Variants in PXDNL observed in about 807,000 individuals in gnomAD.
The protein encoded by PXDNL is peroxidasin like, also known as probable oxidoreductase PXDNL.
PXDNL carries 145 observed loss-of-function variants against 150.8 expected under a neutral mutation model. That is an observed-to-expected ratio of 0.96 (90% CI 0.84 to 1.10). The LOEUF (loss-of-function observed/expected upper bound fraction) is 1.10, where lower values mean the gene tolerates loss of function less well. PXDNL is among the 50% of genes least tolerant of loss of function. The pLI, the probability that PXDNL is intolerant of heterozygous loss-of-function variation, is 0.00. For synonymous variants in PXDNL, 757 were observed against 725.7 expected (o/e 1.04, Z -0.69); for missense variants, 2,087 against 1,873.9 (o/e 1.11, Z -2.10).
chr8:51,491,500 C>A (rs1403108084), intron 5 of PXDNL, among the ~76,000 whole-genome samples: 1 of 152,126 alleles, frequency 6.6e-6, no homozygotes, highest in Non-Finnish European at 1.5e-5. Context: ...GGAAAGAAAC[C>A]AGAAGCTAAA....
chr8:51,550,606 G>C (rs1812458684), intron 4 of PXDNL, among the ~76,000 whole-genome samples: 1 of 152,112 alleles, frequency 6.6e-6, no homozygotes, highest in African/African-American at 2.4e-5. Context: ...AGTAGATGTA[G>C]GAAAAGCATT....
intron 2 of PXDNL, among the ~76,000 whole-genome samples, chr8:51,599,790 C>T (rs940497430): frequency 1.4e-5 from 2 of 141,652 alleles, no homozygotes; most frequent in Admixed American, 7.0e-5. Context: ...TAAATGATAT[C>T]GTTTAGATAA....
chr8:51,564,006 A>G (rs1812764491), intron 3 of PXDNL, among the ~76,000 whole-genome samples: 1 of 152,042 alleles, frequency 6.6e-6, no homozygotes, highest in African/African-American at 2.4e-5. Context: ...CACAAAATCT[A>G]AAAGTCATGA....
chr8:51,686,887 AG>A (rs1243915346), intron 1 of PXDNL, among the ~76,000 whole-genome samples: 2 of 152,186 alleles, frequency 1.3e-5, no homozygotes, highest in Non-Finnish European at 2.9e-5. Context: ...TAAATTAGAA[AG>A]GGTTAATAGT....
chr8:51,607,480 G>A (rs932252868), intron 2 of PXDNL, among the ~76,000 whole-genome samples: 3 of 152,052 alleles, frequency 2.0e-5, no homozygotes, highest in Admixed American at 1.3e-4. Context: ...TAAGTGCTGG[G>A]GCTGCTAACT....
At chr8:51,516,371 C>A (rs757247356) in intron 4 of PXDNL, among the ~76,000 whole-genome samples, 1 of 152,154 alleles carries the variant, frequency 6.6e-6, no homozygotes, top group Non-Finnish European at 1.5e-5. Context: ...GGCTGTAGAG[C>A]AGATAAACTG....
intron 1 of PXDNL, among the ~76,000 whole-genome samples, chr8:51,752,220 AC>A (rs1441498148): frequency 1.1e-4 from 17 of 152,082 alleles, no homozygotes; most frequent in African/African-American, 4.1e-4. Context: ...TGGGGTGATT[AC>A]CCTTATCTCG....
At position 51,533,648 on chromosome 8, in the gene PXDNL, TG is replaced by T. The variant is rs1451933492; in HGVS notation, c.380+23191del. On this transcript the variant is annotated intron_variant, in intron 4 of 22. Transcript: ENST00000356297. ...GCCTGCGGACGCCGCCACGCCTGAC[TG>T]GTTTTCGTTTTTTTTTTGGTGGAGA... Among the ~76,000 whole-genome samples, 131 of 149,230 alleles carry T rather than the reference TG, an allele frequency of 8.8e-4. 2 individuals carry two copies. The highest frequency in any genetic ancestry group is 3.3e-3 in the African/African-American group (129 of 39,608).
chr8:51,691,963 AT>A (rs1465339950), intron 1 of PXDNL, among the ~76,000 whole-genome samples: 4 of 152,180 alleles, frequency 2.6e-5, no homozygotes, highest in Non-Finnish European at 5.9e-5. Flanking sequence ...TATAACCTAA[AT>A]TTGAATTGTT....
intron 17 of PXDNL, among the ~76,000 whole-genome samples, chr8:51,387,961 A>C (rs916706666): frequency 6.6e-6 from 1 of 152,138 alleles, no homozygotes; most frequent in African/African-American, 2.4e-5. Flanking sequence ...AGCATTTTTT[A>C]ATGTTATTCC....
At chr8:51,633,761 G>A (rs1225933091) in intron 2 of PXDNL, among the ~76,000 whole-genome samples, 3 of 152,084 alleles carry the variant, frequency 2.0e-5, no homozygotes, top group Admixed American at 6.6e-5. Flanking sequence ...TCATATGTTT[G>A]TTGGCCGCTT....
intron 6 of PXDNL, among the ~76,000 whole-genome samples, chr8:51,479,135 G>C (rs781399555): frequency 2.0e-5 from 3 of 152,116 alleles, no homozygotes; most frequent in Non-Finnish European, 4.4e-5. Context: ...AAATGTAAGA[G>C]GAGGCTAGAA....
chr8:51,533,040 G>T (rs1326184590), intron 4 of PXDNL, among the ~76,000 whole-genome samples: 1 of 152,220 alleles, frequency 6.6e-6, no homozygotes, highest in African/African-American at 2.4e-5. Context: ...AGCAACTCCA[G>T]AAGCTGATTC....
chr8:51,646,191 T>C (rs1814916378), intron 2 of PXDNL, among the ~76,000 whole-genome samples: 1 of 152,096 alleles, frequency 6.6e-6, no homozygotes, highest in Non-Finnish European at 1.5e-5. Flanking sequence ...GACACTGGTG[T>C]CCTTATAAGG....
chr8:51,675,812 T>C (rs1415675702), intron 1 of PXDNL, among the ~76,000 whole-genome samples: 3 of 79,078 alleles, frequency 3.8e-5, no homozygotes, highest in Non-Finnish European at 6.3e-5. Context: ...AAAAAAAAAA[T>C]TGCCCAGACT....
intron 19 of PXDNL, among the ~76,000 whole-genome samples, chr8:51,367,096 G>T (rs1387665835): frequency 5.5e-5 from 3 of 54,502 alleles, no homozygotes; most frequent in Non-Finnish European, 9.4e-5. Context: ...CAAGACTCTT[G>T]TCTCAAAAAA....
chr8:51,641,050 A>C (rs113226733), intron 2 of PXDNL, among the ~76,000 whole-genome samples: 14,668 of 151,960 alleles, frequency 0.097, 849 homozygotes, highest in East Asian at 0.14. Context: ...AAATAACGCC[A>C]CATATCTACA....
chr8:51,529,764 C>T (rs976661226), intron 4 of PXDNL, among the ~76,000 whole-genome samples: 5 of 152,168 alleles, frequency 3.3e-5, no homozygotes, highest in Non-Finnish European at 7.3e-5. Flanking sequence ...CCTGTCCAAC[C>T]TGAGTTCCCA....
At chr8:51,769,380 C>T (rs575821423) in intron 1 of PXDNL, among the ~76,000 whole-genome samples, 2 of 152,212 alleles carry the variant, frequency 1.3e-5, no homozygotes, top group Non-Finnish European at 1.5e-5. Context: ...GAATTCAAAT[C>T]TCTGCCAACT....
Sources: gnomAD v4.1 joint callset for allele counts (sites outside exome capture counted in the v4.1 genomes callset) on GRCh38, gnomAD v4.1.1 for gene constraint, MANE v1.5 for transcripts, NCBI Gene and HGNC (gene_info 2026-07-23, HGNC 2026-07-21) for gene names.